RUNX1: variants seen among roughly 807,000 people sequenced by gnomAD.
RUNX1 encodes runt-related transcription factor 1.
A neutral mutation model predicts 42.8 loss-of-function variants in RUNX1; 19 were observed. The observed-to-expected ratio is 0.44, with a 90% confidence interval of 0.31 to 0.65. RUNX1 has a LOEUF of 0.65. Ranked by LOEUF, RUNX1 falls within the 30% of genes least tolerant of loss-of-function variation. RUNX1 has a pLI of 0.07. For missense variants in RUNX1, 528 were observed against 672.0 expected, an observed-to-expected ratio of 0.79 and a Z score of 2.37; for synonymous variants, 271 against 289.4, an observed-to-expected ratio of 0.94 and a Z score of 0.64.
intron 2 of RUNX1, among the ~76,000 whole-genome samples, chr21:34,895,960 G>A (rs190889384): frequency 6.4e-5 from 9 of 140,632 alleles, no homozygotes; most frequent in East Asian, 2.0e-4. Context: ...AAGGGGTCAT[G>A]AGGATCTGGA....
rs566878082 is a variant in RUNX1, at chr21:34,986,513, C to T, written c.58+62329G>A. Among the ~76,000 whole-genome samples, 42 of 150,156 alleles carry T rather than the reference C, an allele frequency of 2.8e-4. No homozygotes were observed. The South Asian group carries it at 8.6e-3, about 31-fold the overall frequency. On this transcript the variant is annotated intron_variant, in intron 2 of 8. Transcript: ENST00000675419. The stretch of plus-strand genomic sequence containing the variant: ...CTACCTAGAACCTCAGGTTGTCACG[C>T]TTTTTGGAAATAAGGTTTGTGTAAA...
intron 2 of RUNX1, among the ~76,000 whole-genome samples, chr21:35,020,020 T>C (rs530898642): frequency 2.6e-5 from 4 of 152,292 alleles, no homozygotes; most frequent in Non-Finnish European, 5.9e-5. Flanking sequence ...AGGATTCATC[T>C]TGGGTCTTAG....
At chr21:34,863,778 A>T (rs995175616) in intron 5 of RUNX1, among the ~76,000 whole-genome samples, 11 of 151,446 alleles carry the variant, frequency 7.3e-5, no homozygotes, top group Non-Finnish European at 1.0e-4. Flanking sequence ...CTGGTCTCGA[A>T]CTCCTGACAT....
intron 2 of RUNX1, among the ~76,000 whole-genome samples, chr21:34,994,361 C>A (rs2058976844): frequency 6.6e-6 from 1 of 151,978 alleles, no homozygotes; most frequent in Non-Finnish European, 1.5e-5. Context: ...AACAGGGTGA[C>A]CATAGTCAAT....
At chr21:34,966,485 TG>T (rs1170654941) in intron 2 of RUNX1, among the ~76,000 whole-genome samples, 1 of 152,146 alleles carries the variant, frequency 6.6e-6, no homozygotes, top group Non-Finnish European at 1.5e-5. Flanking sequence ...GAGAAGAAGA[TG>T]CTTTGGTTTA....
At chr21:34,798,152 G>T in intron 8 of RUNX1, 1 of 456,600 alleles carries the variant, frequency 2.2e-6, no homozygotes, top group South Asian at 1.5e-5. Flanking sequence ...CTGCCCCTGT[G>T]CCTGCCCCCT....
At chr21:35,009,500 A>G (rs2059110033) in intron 2 of RUNX1, among the ~76,000 whole-genome samples, 1 of 152,206 alleles carries the variant, frequency 6.6e-6, no homozygotes, top group Non-Finnish European at 1.5e-5. Flanking sequence ...TTTAGTGTTA[A>G]TTACACATTA....
chr21:34,852,879 T>C (rs2057442321), intron 6 of RUNX1, among the ~76,000 whole-genome samples: 2 of 152,220 alleles, frequency 1.3e-5, no homozygotes, highest in Admixed American at 1.3e-4. Flanking sequence ...CAGTGAGCAA[T>C]GCGATTGTGG....
intron 2 of RUNX1, among the ~76,000 whole-genome samples, chr21:34,977,451 A>T (rs1281837042): frequency 6.6e-6 from 1 of 152,230 alleles, no homozygotes; most frequent in Non-Finnish European, 1.5e-5. Context: ...AAGCAGTTTG[A>T]CAATCTTATA....
At chr21:34,899,181 T>G (rs2058156173) in intron 2 of RUNX1, among the ~76,000 whole-genome samples, 1 of 152,138 alleles carries the variant, frequency 6.6e-6, no homozygotes, top group African/African-American at 2.4e-5. Flanking sequence ...CATAAAGTGT[T>G]GAGATTACAG....
rs1476255806 is a variant in RUNX1, at chr21:34,907,981, T to C, written c.59-15018A>G. The stretch of plus-strand genomic sequence containing the variant: ...TAAGCTCCCGAAACAGTGGCTGATC[T>C]GGGACCCCCTGACCTGTGAATTTGT... On this transcript the variant is annotated intron_variant, in intron 2 of 8. Coordinates refer to ENST00000675419, the MANE Select transcript of RUNX1 (RefSeq NM_001754.5). This position sits in a 1 kb window ranked among gnomAD's most constrained non-coding sequence, Gnocchi z 5.3. 1.3e-5 allele frequency among the ~76,000 whole-genome samples: 2 copies of C among 152,170 alleles called. No individual in the cohort carries two copies. Among genetic ancestry groups the C allele is most frequent in the Non-Finnish European group, 2.9e-5 (2 of 68,030 alleles).
At chr21:34,885,751 C>G (rs1186564993) in intron 4 of RUNX1, among the ~76,000 whole-genome samples, 1 of 151,694 alleles carries the variant, frequency 6.6e-6, no homozygotes, top group African/African-American at 2.4e-5. Context: ...ATTATTTAAA[C>G]TTTTTTTTTA....
At chr21:34,933,506 T>G (rs1324469397) in intron 2 of RUNX1, among the ~76,000 whole-genome samples, 3 of 152,078 alleles carry the variant, frequency 2.0e-5, no homozygotes, top group African/African-American at 7.2e-5. Context: ...AGTTTTGATG[T>G]TTTTTTTATG....
At chr21:34,849,238 A>G (rs2057359076) in intron 6 of RUNX1, among the ~76,000 whole-genome samples, 1 of 110,570 alleles carries the variant, frequency 9.0e-6, no homozygotes, top group African/African-American at 3.5e-5. Context: ...ACAGAAAAGA[A>G]CTTTGCTTTG....
Position 34,791,468 on chromosome 21 carries a change from C to A in RUNX1, c.*667G>T, listed in dbSNP as rs1227405552. The stretch of plus-strand genomic sequence containing the variant: ...AAAACAAAACAAAAAAAAACAACTA[C>A]CCAAAAGTCCAAAAGAAAAGTTAAA... On this transcript the variant is annotated 3_prime_UTR_variant, in exon 9 of 9. Transcript: ENST00000675419. 1.3e-5 allele frequency: 3 copies of A among 227,574 alleles called. No individual in the cohort carries two copies. Among genetic ancestry groups the A allele is most frequent in the African/African-American group, 6.8e-5 (3 of 43,840 alleles). The allele number at this position is 227,574 out of a possible 1,614,324, so 14.1% of individuals were successfully genotyped here.
At chr21:34,889,880 C>T (rs988034529) in intron 3 of RUNX1, 8 of 1,070,416 alleles carry the variant, frequency 7.5e-6, no homozygotes, top group African/African-American at 1.6e-5. Flanking sequence ...CTGCACCTCC[C>T]GGGGCCTCTC....
chr21:34,841,639 C>T (rs1279990060), intron 6 of RUNX1, among the ~76,000 whole-genome samples: 2 of 152,218 alleles, frequency 1.3e-5, no homozygotes, highest in African/African-American at 4.8e-5. Flanking sequence ...CAGTGGCCAC[C>T]TTGCTCTTGC....
At chr21:35,029,968 T>G (rs963010281) in intron 2 of RUNX1, among the ~76,000 whole-genome samples, 3 of 152,198 alleles carry the variant, frequency 2.0e-5, no homozygotes, top group African/African-American at 4.8e-5. Flanking sequence ...CTCTATCCCT[T>G]GAGTTGTGAC....
intron 6 of RUNX1, among the ~76,000 whole-genome samples, chr21:34,841,666 TG>T (rs1206845743): frequency 6.6e-6 from 1 of 152,204 alleles, no homozygotes; most frequent in African/African-American, 2.4e-5. Context: ...GTCACTGCCC[TG>T]GGGCCTTTGC....
Sources: allele counts gnomAD v4.1 joint callset (sites outside exome capture counted in the v4.1 genomes callset), GRCh38; gene constraint gnomAD v4.1.1; non-coding constraint Gnocchi (gnomAD v3.1); transcripts MANE v1.5; gene names NCBI Gene and HGNC (gene_info 2026-07-23, HGNC 2026-07-21).